The following IL1RAPL2 variants were observed in gnomAD, a reference collection of about 807,000 sequenced individuals.
IL1RAPL2 encodes the protein X-linked interleukin-1 receptor accessory protein-like 2.
A neutral mutation model predicts 44.1 loss-of-function variants in IL1RAPL2; 3 were observed. The observed-to-expected ratio is 0.07, with a 90% CI of 0.03 to 0.18. The LOEUF (loss-of-function observed/expected upper bound fraction) is 0.18, where lower values mean the gene tolerates loss of function less well. Among genes scored for constraint, IL1RAPL2 ranks in the 10% least tolerant of loss-of-function variants. The probability of loss-of-function intolerance (pLI) is 1.00; values close to 1 mark genes in which losing one functional copy is unlikely to be tolerated. For synonymous variants in IL1RAPL2, 181 were observed against 178.8 expected (o/e 1.01, Z -0.10); for missense variants, 391 against 496.4 (o/e 0.79, Z 2.02).
intron 2 of IL1RAPL2, among the ~76,000 whole-genome samples, chrX:104,853,397 G>A (rs1922275952): frequency 9.0e-6 from 1 of 111,262 alleles, no homozygotes; most frequent in Non-Finnish European, 1.9e-5. Flanking sequence ...TAAGGATGGT[G>A]AGTCTTTATG....
chrX:104,799,359 A>G (rs1382240947), intron 2 of IL1RAPL2, among the ~76,000 whole-genome samples: 2 of 111,621 alleles, frequency 1.8e-5, no homozygotes, highest in Non-Finnish European at 1.9e-5. Flanking sequence ...TGGTTCTCCA[A>G]TGAGCATCAA....
intron 5 of IL1RAPL2, among the ~76,000 whole-genome samples, chrX:105,277,368 A>G (rs891464077): frequency 8.9e-6 from 1 of 112,038 alleles, no homozygotes; most frequent in African/African-American, 3.2e-5. Flanking sequence ...CAGTGCAGAA[A>G]TCTCATGACC....
At chrX:104,983,316 A>T (rs1380466768) in intron 2 of IL1RAPL2, among the ~76,000 whole-genome samples, 1 of 103,847 alleles carries the variant, frequency 9.6e-6, no homozygotes, top group Non-Finnish European at 1.9e-5. Context: ...AGAAGCTAGA[A>T]TTGTGTCCGG....
At chrX:104,599,151 C>T (rs923213198) in intron 1 of IL1RAPL2, among the ~76,000 whole-genome samples, 1 of 111,991 alleles carries the variant, frequency 8.9e-6, no homozygotes, top group Non-Finnish European at 1.9e-5. Flanking sequence ...ATATTTATGT[C>T]CTCCATAGGA....
chrX:105,302,608 G>A (rs1302201155), intron 5 of IL1RAPL2, among the ~76,000 whole-genome samples: 1 of 112,002 alleles, frequency 8.9e-6, no homozygotes, highest in Non-Finnish European at 1.9e-5. Context: ...TGACTGAGCT[G>A]ATATTCAAGT....
intron 2 of IL1RAPL2, among the ~76,000 whole-genome samples, chrX:104,962,822 C>T (rs2030034232): frequency 8.9e-6 from 1 of 111,906 alleles, no homozygotes; most frequent in Non-Finnish European, 1.9e-5. Flanking sequence ...ATTCACTCAC[C>T]TTCTCTGGGC....
At chrX:105,597,503 G>A (rs553616884) in intron 6 of IL1RAPL2, among the ~76,000 whole-genome samples, 3 of 111,206 alleles carry the variant, frequency 2.7e-5, no homozygotes, top group African/African-American at 9.8e-5. Context: ...ATGGCAAAAG[G>A]TAAAGGGGGA....
intron 6 of IL1RAPL2, among the ~76,000 whole-genome samples, chrX:105,701,179 AT>A (rs762550697): frequency 9.7e-4 from 109 of 112,059 alleles, no homozygotes; most frequent in African/African-American, 3.5e-3. Context: ...GAAAGGAATG[AT>A]AGATGGAATT....
intron 6 of IL1RAPL2, among the ~76,000 whole-genome samples, chrX:105,711,791 G>A (rs1463507153): frequency 9.0e-6 from 1 of 111,693 alleles, no homozygotes; most frequent in Non-Finnish European, 1.9e-5. Flanking sequence ...AGTGGGACAG[G>A]CATACAATAG....
At chrX:105,513,780 C>T (rs1398027343) in intron 6 of IL1RAPL2, among the ~76,000 whole-genome samples, 2 of 111,081 alleles carry the variant, frequency 1.8e-5, no homozygotes, top group East Asian at 5.7e-4. Context: ...TTAATTAGAT[C>T]CCATTTGTCA....
At chrX:104,677,448 G>T (rs1264533995) in intron 2 of IL1RAPL2, among the ~76,000 whole-genome samples, 1 of 111,202 alleles carries the variant, frequency 9.0e-6, no homozygotes, top group Non-Finnish European at 1.9e-5. Context: ...GAGGCAGTCT[G>T]CCGGTTCTCA....
At chrX:105,620,071 T>C (rs2037408739) in intron 6 of IL1RAPL2, among the ~76,000 whole-genome samples, 1 of 111,070 alleles carries the variant, frequency 9.0e-6, no homozygotes, top group African/African-American at 3.3e-5. Flanking sequence ...TTCACTCCTA[T>C]AATAGTGTAG....
intron 2 of IL1RAPL2, among the ~76,000 whole-genome samples, chrX:105,025,499 G>T (rs1289966181): frequency 1.8e-5 from 2 of 111,224 alleles, no homozygotes; most frequent in Non-Finnish European, 3.8e-5. Flanking sequence ...GATTAATGTT[G>T]AAAATTGTTA....
At chrX:104,575,526 G>A (rs755463811) in intron 1 of IL1RAPL2, among the ~76,000 whole-genome samples, 17 of 111,505 alleles carry the variant, frequency 1.5e-4, no homozygotes, top group African/African-American at 5.5e-4. Flanking sequence ...ACCATGTAGT[G>A]TAATTTTCTG....
chrX:105,442,469 C>T (rs907362221), intron 5 of IL1RAPL2, among the ~76,000 whole-genome samples: 8 of 111,818 alleles, frequency 7.2e-5, no homozygotes, highest in Admixed American at 1.9e-4. Flanking sequence ...GTAATCCCTT[C>T]AATACTGCTC....
intron 2 of IL1RAPL2, among the ~76,000 whole-genome samples, chrX:105,194,986 C>T (rs1556139840): frequency 9.1e-6 from 1 of 110,466 alleles, no homozygotes; most frequent in Non-Finnish European, 1.9e-5. Context: ...ATCTCAGGAC[C>T]GCTTCTAGGC....
chrX:105,659,035 G>A (rs1030091494), intron 6 of IL1RAPL2, among the ~76,000 whole-genome samples: 6 of 109,920 alleles, frequency 5.5e-5, no homozygotes. Flanking sequence ...GCTGAGGCAC[G>A]AGAATCACAT....
chrX:105,681,903 C>T (rs482764), intron 6 of IL1RAPL2, among the ~76,000 whole-genome samples: 14,106 of 110,810 alleles, frequency 0.13, 2,027 homozygotes, highest in African/African-American at 0.43. Context: ...TTTTTAATGA[C>T]GAAGCACTGA....
intron 6 of IL1RAPL2, among the ~76,000 whole-genome samples, chrX:105,653,159 C>T (rs764791306): frequency 4.5e-5 from 5 of 111,580 alleles, no homozygotes; most frequent in East Asian, 2.8e-4. Flanking sequence ...TAATGGAATA[C>T]GGAAAATATA....
Sources: gnomAD v4.1 joint callset for allele counts (sites outside exome capture counted in the v4.1 genomes callset) on GRCh38, gnomAD v4.1.1 for gene constraint, MANE v1.5 for transcripts, NCBI Gene and HGNC (gene_info 2026-07-23, HGNC 2026-07-21) for gene names.